Variants in CNIH3 observed in about 807,000 individuals in gnomAD.
The protein encoded by CNIH3 is protein cornichon homolog 3.
A neutral mutation model predicts 24.1 loss-of-function variants in CNIH3; 14 were observed. The ratio of observed to expected loss-of-function variants is 0.58; its 90% CI spans 0.38 to 0.91. The LOEUF is 0.91. CNIH3 is among the 40% of genes least tolerant of loss of function. CNIH3 has a pLI of 0.00. For missense variants in CNIH3, 178 were observed against 196.8 expected (o/e 0.90, Z 0.57); for synonymous variants, 68 against 73.8 (o/e 0.92, Z 0.40).
intron 1 of CNIH3, among the ~76,000 whole-genome samples, chr1:224,471,005 A>G (rs1676346806): frequency 6.6e-6 from 1 of 152,118 alleles, no homozygotes; most frequent in Non-Finnish European, 1.5e-5. Context: ...ATTATTTTTT[A>G]CTATAGTCAC....
downstream of CNIH3, among the ~76,000 whole-genome samples, chr1:224,542,163 T>A (rs913944588): frequency 1.3e-5 from 2 of 152,222 alleles, no homozygotes; most frequent in Non-Finnish European, 2.9e-5. Context: ...CCACAACCAT[T>A]CCAGCTTCTA....
At chr1:224,473,122 G>A (rs1676432590) in intron 1 of CNIH3, among the ~76,000 whole-genome samples, 1 of 151,960 alleles carries the variant, frequency 6.6e-6, no homozygotes, top group African/African-American at 2.4e-5. Flanking sequence ...TAAAATAATG[G>A]GTTTGGAAGA....
intron 1 of CNIH3, among the ~76,000 whole-genome samples, chr1:224,635,490 C>T (rs185117955): frequency 5.9e-5 from 9 of 152,306 alleles, no homozygotes; most frequent in Non-Finnish European, 8.8e-5. Context: ...ACTGTAGGAA[C>T]AGCAAGCATT....
intron 2 of CNIH3, among the ~76,000 whole-genome samples, chr1:224,531,440 C>G (rs189706081): frequency 6.6e-6 from 1 of 152,248 alleles, no homozygotes; most frequent in African/African-American, 2.4e-5. Context: ...TCTGGAAAGG[C>G]TTTCTAGGGA....
intron 3 of CNIH3, among the ~76,000 whole-genome samples, chr1:224,708,511 T>A (rs748793280): frequency 2.6e-5 from 4 of 152,210 alleles, no homozygotes; most frequent in Non-Finnish European, 5.9e-5. Context: ...CCGCCTGCGC[T>A]TCCTGACTCC....
At chr1:224,484,143 C>G (rs749810279) in intron 1 of CNIH3, among the ~76,000 whole-genome samples, 33 of 149,704 alleles carry the variant, frequency 2.2e-4, no homozygotes, top group Non-Finnish European at 4.0e-4. Flanking sequence ...TGCACTCTAG[C>G]CTGGGCAACA....
chr1:224,581,164 T>C (rs1430502433), intron 4 of CNIH3, among the ~76,000 whole-genome samples: 1 of 152,200 alleles, frequency 6.6e-6, no homozygotes, highest in Non-Finnish European at 1.5e-5. Context: ...TGAAATTTTA[T>C]TTTCCTTTCA....
chr1:224,674,457 T>A (rs1353829811), intron 1 of CNIH3, among the ~76,000 whole-genome samples: 1 of 151,960 alleles, frequency 6.6e-6, no homozygotes, highest in East Asian at 1.9e-4. Context: ...CCTCTTGAGG[T>A]GGGTCCACCC....
intron 3 of CNIH3, among the ~76,000 whole-genome samples, chr1:224,600,573 A>G (rs187341032): frequency 6.6e-6 from 1 of 152,270 alleles, no homozygotes; most frequent in East Asian, 1.9e-4. Flanking sequence ...TCACAGGCAC[A>G]ATCATAGTGC....
At chr1:224,678,415 C>G (rs557937814) in intron 1 of CNIH3, among the ~76,000 whole-genome samples, 24 of 152,138 alleles carry the variant, frequency 1.6e-4, no homozygotes, top group Non-Finnish European at 3.2e-4. Flanking sequence ...ACTGTCTGTG[C>G]CAGCCACCCT....
At chr1:224,608,744 C>T (rs931553883) in intron 3 of CNIH3, among the ~76,000 whole-genome samples, 23 of 152,196 alleles carry the variant, frequency 1.5e-4, no homozygotes, top group Non-Finnish European at 2.9e-4. Context: ...GGGTGGTCTC[C>T]TCCCTTACCC....
chr1:224,629,975 A>T (rs1683738337), intron 1 of CNIH3, among the ~76,000 whole-genome samples: 1 of 152,192 alleles, frequency 6.6e-6, no homozygotes. Context: ...GTGAGAAGTT[A>T]TAAATGGTCC....
intron 2 of CNIH3, among the ~76,000 whole-genome samples, chr1:224,525,693 C>T (rs965451932): frequency 6.6e-6 from 1 of 152,080 alleles, no homozygotes; most frequent in African/African-American, 2.4e-5. Context: ...GTTCAAGGGT[C>T]AGGGATGTGT....
chr1:224,502,387 C>G (rs1677712310), intron 1 of CNIH3, among the ~76,000 whole-genome samples: 2 of 152,292 alleles, frequency 1.3e-5, no homozygotes, highest in African/African-American at 4.8e-5. Flanking sequence ...GCCTTTGGAG[C>G]CGAAAGCCCA....
At chr1:224,652,051 C>G (rs1684884229) in intron 1 of CNIH3, among the ~76,000 whole-genome samples, 2 of 152,102 alleles carry the variant, frequency 1.3e-5, no homozygotes, top group African/African-American at 4.8e-5. Flanking sequence ...CACTCCTTAG[C>G]CAACCAGTGA....
chr1:224,607,715 G>C (rs1475677206), intron 3 of CNIH3, among the ~76,000 whole-genome samples: 1 of 152,048 alleles, frequency 6.6e-6, no homozygotes, highest in East Asian at 1.9e-4. Context: ...ACTGCTTTAG[G>C]GTAAAAGTCT....
intron 3 of CNIH3, among the ~76,000 whole-genome samples, chr1:224,550,437 CATA>C (rs1679869279): frequency 6.6e-6 from 1 of 151,748 alleles, no homozygotes; most frequent in African/African-American, 2.4e-5. Context: ...AAATAAATAT[CATA>C]GCAATGATAT....
chr1:224,641,560 A>G (rs1454061509), intron 1 of CNIH3, among the ~76,000 whole-genome samples: 1 of 152,170 alleles, frequency 6.6e-6, no homozygotes, highest in African/African-American at 2.4e-5. Context: ...GAGAGCCAGG[A>G]ACTTCCAGCC....
chr1:224,493,502 G>A (rs959290279), intron 1 of CNIH3, among the ~76,000 whole-genome samples: 1 of 152,170 alleles, frequency 6.6e-6, no homozygotes, highest in African/African-American at 2.4e-5. Context: ...TGTGATTGCT[G>A]TTAGCAAAAA....
Sources: gnomAD v4.1 joint callset for allele counts (sites outside exome capture counted in the v4.1 genomes callset) on GRCh38, gnomAD v4.1.1 for gene constraint, MANE v1.5 for transcripts, NCBI Gene and HGNC (gene_info 2026-07-23, HGNC 2026-07-21) for gene names.